The following SLC51B variants were observed in gnomAD, a reference collection of about 807,000 sequenced individuals.
The protein encoded by SLC51B is organic solute transporter subunit beta.
SLC51B carries 6 observed loss-of-function variants against 8.0 expected under a neutral mutation model. The observed-to-expected ratio is 0.75, with a 90% CI of 0.41 to 1.48. The LOEUF (loss-of-function observed/expected upper bound fraction) is 1.48. Among genes scored for constraint, SLC51B ranks in the 40% most tolerant of loss-of-function variants. The pLI, the probability that SLC51B is intolerant of heterozygous loss-of-function variation, is 0.01. For synonymous variants in SLC51B, 61 were observed against 54.8 expected (o/e 1.11, Z -0.50); for missense variants, 150 against 149.7 (o/e 1.00, Z -0.01).
Position 65,053,175 on chromosome 15 carries a change from G to A in SLC51B, c.*11G>A. 1 of 1,613,336 alleles carries A rather than the reference G, an allele frequency of 6.2e-7. No individual in the cohort carries two copies. The highest frequency in any genetic ancestry group is 8.5e-7 in the Non-Finnish European group (1 of 1,180,002). ...GAAACTGAGAGCTAGTGAGGGTTCA[G>A]AGAAGCCCCATCCTAAGCCAGACAC... On this transcript the variant is annotated 3_prime_UTR_variant, in exon 4 of 4. Coordinates refer to ENST00000334287, the MANE Select transcript of SLC51B (RefSeq NM_178859.4).
intron 1 of SLC51B, among the ~76,000 whole-genome samples, chr15:65,046,520 T>G (rs1400324432): frequency 6.6e-6 from 1 of 152,218 alleles, no homozygotes; most frequent in Non-Finnish European, 1.5e-5. Context: ...CTAACATAGC[T>G]GAGGAGGGCT....
At chr15:65,049,861 T>G in intron 1 of SLC51B, 36 bp from the exon 2 acceptor site, 2 of 496,300 alleles carry the variant, frequency 4.0e-6, no homozygotes, top group Non-Finnish European at 7.0e-6. Context: ...CAAACTCGGG[T>G]GGGATATCCA....
chr15:65,052,512 T>C (rs1371693203), intron 3 of SLC51B, among the ~76,000 whole-genome samples: 1 of 150,428 alleles, frequency 6.6e-6, no homozygotes, highest in Non-Finnish European at 1.5e-5. Flanking sequence ...GTGATTCTCC[T>C]GCTTCAGCCT....
chr15:65,045,539 C>G lies in SLC51B; in HGVS notation c.-152C>G, dbSNP rs766519390. 4.6e-5 allele frequency: 7 copies of G among 152,268 alleles called. No individual in the cohort carries two copies. The highest frequency in any genetic ancestry group is 8.8e-5 in the Non-Finnish European group (6 of 68,082). The allele number at this position is 152,268 out of a possible 1,614,324, so 9.4% of individuals were successfully genotyped here. The stretch of plus-strand genomic sequence containing the variant: ...GGAAGATACAGAAATCGGTGCTGCT[C>G]CCAACAGCAGATCAAGGCAGTCGTC... On this transcript the variant is annotated 5_prime_UTR_variant, in exon 1 of 4. Coordinates refer to ENST00000334287, the MANE Select transcript of SLC51B (RefSeq NM_178859.4).
intron 1 of SLC51B, among the ~76,000 whole-genome samples, chr15:65,048,122 A>C (rs977189038): frequency 6.6e-6 from 1 of 151,968 alleles, no homozygotes; most frequent in African/African-American, 2.4e-5. Context: ...CATAGGTTGC[A>C]GTGAGCTGAG....
intron 3 of SLC51B, among the ~76,000 whole-genome samples, chr15:65,052,646 C>T (rs1417160229): frequency 6.6e-6 from 1 of 152,130 alleles, no homozygotes; most frequent in Non-Finnish European, 1.5e-5. Flanking sequence ...ATCCACCCGC[C>T]TCAGCCTCCC....
Position 65,048,017 on chromosome 15 carries a change from A to G in SLC51B, c.-108-1880A>G, listed in dbSNP as rs558109797. Among the ~76,000 whole-genome samples the G allele has an allele frequency of 2.0e-3, 304 of 152,186 alleles. 1 individual carries two copies. Among genetic ancestry groups the G allele is most frequent in the Non-Finnish European group, 3.6e-3 (244 of 68,006 alleles). ...AACATGAGGAAACCCCATCATTACT[A>G]AAAATACAAAAATTAGCCTGGCGTG... is the stretch of plus-strand genomic sequence containing the variant. On this transcript the variant is annotated intron_variant, in intron 1 of 3. Transcript: ENST00000334287.
At chr15:65,050,134 G>A (rs1002919236) in intron 2 of SLC51B, 33 bp downstream of exon 2, 3 of 1,521,794 alleles carry the variant, frequency 2.0e-6, no homozygotes, top group South Asian at 2.4e-5. Context: ...CAGGGGTGGG[G>A]GTGTGCCCCT....
At chr15:65,048,096 G>C (rs980542914) in intron 1 of SLC51B, among the ~76,000 whole-genome samples, 3 of 151,822 alleles carry the variant, frequency 2.0e-5, no homozygotes, top group Non-Finnish European at 4.4e-5. Context: ...AACGAGAACC[G>C]CTTGGACCCA....
chr15:65,050,856 C>CT (rs1267919383), intron 2 of SLC51B, among the ~76,000 whole-genome samples: 44 of 32,378 alleles, frequency 1.4e-3, no homozygotes, highest in East Asian at 1.6e-3. Context: ...TTTTTTTTGC[C>CT]TTTTTTTTGA....
intron 2 of SLC51B, among the ~76,000 whole-genome samples, chr15:65,051,088 C>T (rs947468903): frequency 6.6e-6 from 1 of 152,130 alleles, no homozygotes; most frequent in Non-Finnish European, 1.5e-5. Context: ...AGGTGATCCA[C>T]CTGACTCGGC....
intron 1 of SLC51B, among the ~76,000 whole-genome samples, chr15:65,046,773 C>A (rs2086582546): frequency 1.3e-5 from 2 of 151,792 alleles, no homozygotes; most frequent in Admixed American, 6.6e-5. Context: ...ATTAGCCGGG[C>A]GTGGTGGCAC....
chr15:65,046,925 AC>A (rs2086584129), intron 1 of SLC51B, among the ~76,000 whole-genome samples: 1 of 152,098 alleles, frequency 6.6e-6, no homozygotes, highest in East Asian at 1.9e-4. Flanking sequence ...AAAACAAAAA[AC>A]AAAAAAACAC....
At chr15:65,051,874 C>T (rs902061647) in intron 3 of SLC51B, among the ~76,000 whole-genome samples, 1 of 152,196 alleles carries the variant, frequency 6.6e-6, no homozygotes, top group Non-Finnish European at 1.5e-5. Flanking sequence ...ATTCAGAAGG[C>T]GAGCTTGCCC....
Position 65,050,012 on chromosome 15 carries a change from A to G in SLC51B, c.8A>G (p.His3Arg). 2.6e-6 allele frequency: 4 copies of G among 1,551,216 alleles called. No individual in the cohort carries two copies. Among genetic ancestry groups the G allele is most frequent in the Non-Finnish European group, 3.5e-6 (4 of 1,146,734 alleles). The change falls in exon 2 of 4, where the codon CAC becomes CGC. Residue 3 changes from histidine to arginine, a missense_variant. His to Arg is a conservative substitution (Grantham distance 29). Coordinates refer to ENST00000334287, the MANE Select transcript of SLC51B (RefSeq NM_178859.4). ME[H>R]SEGAPGDPAG... ...GCTACCAGGAGCAGGGGCATGGAGCACAGTGAGGGGGCTCCCGGAGACCCA... is the reference window on the plus strand; with the variant it reads ...GCTACCAGGAGCAGGGGCATGGAGCGCAGTGAGGGGGCTCCCGGAGACCCA...
In SLC51B at chr15:65,051,536, T is replaced by A; in HGVS notation, c.119T>A (p.Ile40Asn). 2 of 1,613,750 alleles carry A rather than the reference T, an allele frequency of 1.2e-6. No homozygotes were observed. Among genetic ancestry groups the A allele is most frequent in the Non-Finnish European group, 1.7e-6 (2 of 1,179,796 alleles). The change falls in exon 3 of 4, where the codon ATC becomes AAC. Residue 40 changes from isoleucine (I) to asparagine (N), a missense_variant. By Grantham distance (149) the Ile-to-Asn change is moderately radical. Coordinates refer to ENST00000334287, the MANE Select transcript of SLC51B (RefSeq NM_178859.4). Reference protein sequence around the residue: ...VEDASPWNHSILALAAVVVII... With the variant: ...VEDASPWNHSNLALAAVVVII... ...CCAGCATCTCCCTGGAATCATTCCA[T>A]CCTTGCCCTGGCAGCTGTGGTGGTC...
intron 1 of SLC51B, among the ~76,000 whole-genome samples, chr15:65,047,464 G>A (rs929751866): frequency 2.0e-5 from 3 of 152,118 alleles, no homozygotes; most frequent in Non-Finnish European, 4.4e-5. Context: ...CACAATACAG[G>A]AGTGGTCAAC....
intron 1 of SLC51B, among the ~76,000 whole-genome samples, chr15:65,049,007 C>T (rs1403900996): frequency 2.3e-5 from 2 of 88,608 alleles, no homozygotes; most frequent in African/African-American, 8.9e-5. Flanking sequence ...GAGACTCCGT[C>T]TCAAAAAAAA....
intron 2 of SLC51B, among the ~76,000 whole-genome samples, chr15:65,050,833 C>CTTTTTTTTTTTTTTTTTTTTTTTT (rs67418433): frequency 1.2e-3 from 110 of 88,588 alleles, no homozygotes; most frequent in Non-Finnish European, 1.4e-3. Context: ...TCTTCTTCTT[C>CTTTTTTTTTTTTTTTTTTTTTTTT]TTCTTTTTTT....
Sources: allele counts gnomAD v4.1 joint callset (sites outside exome capture counted in the v4.1 genomes callset), GRCh38; gene constraint gnomAD v4.1.1; transcripts MANE v1.5; gene names NCBI Gene and HGNC (gene_info 2026-07-23, HGNC 2026-07-21).